SEMA3G: variants seen among roughly 807,000 people sequenced by gnomAD.
SEMA3G encodes the protein semaphorin 3G, also known as semaphorin-3G.
Under a neutral mutation model 86.2 loss-of-function variants are expected in SEMA3G, and 70 were observed. That is an observed-to-expected ratio of 0.81 (90% CI 0.67 to 0.99). The LOEUF is 0.99. Ranked by LOEUF, SEMA3G falls within the 50% of genes least tolerant of loss-of-function variation. The probability of loss-of-function intolerance (pLI) is 0.00; values close to 1 mark genes in which losing one functional copy is unlikely to be tolerated. For missense variants in SEMA3G, 1,002 were observed against 1,072.4 expected (o/e 0.93, Z 0.92); for synonymous variants, 416 against 441.4 (o/e 0.94, Z 0.72).
Position 52,440,790 on chromosome 3 carries a change from T to C in SEMA3G, c.962A>G (p.Lys321Arg). 1 of 1,613,018 alleles carries C rather than the reference T, an allele frequency of 6.2e-7. No homozygotes were observed. The highest frequency in any genetic ancestry group is 8.5e-7 in the Non-Finnish European group (1 of 1,179,964). The stretch of plus-strand genomic sequence containing the variant: ...GAACAGCGCGTACACCTCGAGGCTC[T>C]TCCCGGCCTTGGGCCACAGCAGGAA... ...DVFLLWPKAGKSLEVYALFST... is the reference protein window; with the variant it reads ...DVFLLWPKAGRSLEVYALFST... The change falls in exon 9 of 16, where the codon AAG becomes AGG. Residue 321 changes from lysine to arginine, a missense_variant. Coordinates refer to ENST00000231721, the MANE Select transcript of SEMA3G (RefSeq NM_020163.3).
chr3:52,441,138 T>C (rs1444902496), intron 7 of SEMA3G, 90 bp from the exon 8 acceptor site: 1 of 1,463,472 alleles, frequency 6.8e-7, no homozygotes, highest in East Asian at 2.3e-5. Flanking sequence ...CGGGGAGAGG[T>C]ATGCATGTCA....
At position 52,436,036 on chromosome 3, in the gene SEMA3G, C is replaced by G. The variant is rs779447141; in HGVS notation, c.1916G>C (p.Gly639Ala). Residue 639 changes from glycine to alanine, a missense_variant, in exon 16 of 16, where the codon GGG becomes GCG. Transcript: ENST00000231721. ...TDERVLHTERGLLFRRLSRFD... is the reference protein window; with the variant it reads ...TDERVLHTERALLFRRLSRFD... ...ACGGCTAAGCCTGCGGAACAGCAGC[C>G]CCCGCTCCGTGTGCAAGACTCGCTC... The G allele has an allele frequency of 6.2e-6, 10 of 1,612,688 alleles. No individual in the cohort carries two copies. The Admixed American group carries it at 1.2e-4, about 19-fold the overall frequency.
In SEMA3G at chr3:52,440,376, C is replaced by T. The variant is rs1706127757; in HGVS notation, c.1143+1G>A. The stretch of plus-strand genomic sequence containing the variant: ...CTGGCCTGGCCCCAGCAGATACTCA[C>T]CACGCCAGGGCGAGGGAAGGGCACC... On this transcript the variant is annotated splice_donor_variant, in intron 10 of 15. Coordinates refer to ENST00000231721, the MANE Select transcript of SEMA3G (RefSeq NM_020163.3). LOFTEE classifies it high-confidence loss of function. 1 of 1,598,604 alleles carries T rather than the reference C, an allele frequency of 6.3e-7. No homozygotes were observed. Among genetic ancestry groups the T allele is most frequent in the South Asian group, 1.1e-5 (1 of 89,194 alleles).
Position 52,442,182 on chromosome 3 carries a change from C to T in SEMA3G, c.459+3G>A, listed in dbSNP as rs1325426003. ...TCCCTTGTGGGGCCTGGCCCAGGCT[C>T]ACCTCCCCACGGTGGCCAACTGTGA... is the stretch of plus-strand genomic sequence containing the variant. On this transcript the variant is annotated splice_donor_region_variant and intron_variant, in intron 4 of 15. Coordinates refer to ENST00000231721, the MANE Select transcript of SEMA3G (RefSeq NM_020163.3). This position sits in a 1 kb window ranked among gnomAD's most constrained non-coding sequence, Gnocchi z 6.1. 2 of 1,612,642 alleles carry T rather than the reference C, an allele frequency of 1.2e-6. No individual in the cohort carries two copies. The highest frequency in any genetic ancestry group is 1.7e-5 in the Admixed American group (1 of 59,910).
In SEMA3G at chr3:52,442,604, C is replaced by T. The variant is rs913695052; in HGVS notation, c.294G>A (p.Gln98=). The change falls in exon 3 of 16, where the codon CAG becomes CAA. Residue 98 remains glutamine, a synonymous_variant. Transcript: ENST00000231721. The surrounding 1 kb of genome is among the most constrained non-coding windows in gnomAD (Gnocchi z 6.1). ...PDPREVLWPP[Q]PGQREECVRK... ...GAACACACTCCTCCCTCTGTCCTGG[C>T]TGCGGTGGCCACAGGACCTGGAACA... The T allele has an allele frequency of 1.2e-6, 2 of 1,614,036 alleles. No individual in the cohort carries two copies. Among genetic ancestry groups the T allele is most frequent in the African/African-American group, 2.7e-5 (2 of 74,922 alleles).
intron 12 of SEMA3G, 136 bp downstream of exon 12, chr3:52,439,544 C>A: frequency 1.4e-6 from 1 of 700,354 alleles, no homozygotes; most frequent in Admixed American, 2.3e-5. Flanking sequence ...TCTGCATCCC[C>A]TCCCCAGCAT....
chr3:52,442,090 C>T lies in SEMA3G; in HGVS notation c.459+95G>A, dbSNP rs1706170142. On this transcript the variant is annotated intron_variant, in intron 4 of 15. Coordinates refer to ENST00000231721, the MANE Select transcript of SEMA3G (RefSeq NM_020163.3). The surrounding 1 kb of genome is among the most constrained non-coding windows in gnomAD (Gnocchi z 6.1). ...CAAAGGCGCCTTTCAGGCCCCTGCC[C>T]CTCTGTCCCTACCCAGGCTCAATGG... 6.7e-7 allele frequency: 1 copy of T among 1,494,524 alleles called. No homozygotes were observed. Among genetic ancestry groups the T allele is most frequent in the Non-Finnish European group, 9.0e-7 (1 of 1,111,500 alleles). The allele number at this position is 1,494,524 out of a possible 1,614,324, so 92.6% of individuals were successfully genotyped here. A position where few individuals can be genotyped will look rare whatever the true frequency, so the allele number is the denominator to read the frequency against.
Position 52,435,828 on chromosome 3 carries a change from CT to C in SEMA3G, c.2123del (p.Lys708ArgfsTer53). ...CGAAGCCAATGAGCTGCAGGATGTC[CT>C]TGTACCAGGCCTTGGGTGGGGTGGA... ...LASTPPKAWY[K>X]DILQLIGFAN... On this transcript the variant is annotated frameshift_variant, in exon 16 of 16. Transcript: ENST00000231721. LOFTEE classifies it high-confidence loss of function. 6 of 1,614,144 alleles carry C rather than the reference CT, an allele frequency of 3.7e-6. No homozygotes were observed. Among genetic ancestry groups the C allele is most frequent in the Non-Finnish European group, 5.1e-6 (6 of 1,180,012 alleles).
chr3:52,435,187 C>A lies in SEMA3G; in HGVS notation c.*416G>T. 2 of 191,058 alleles carry A rather than the reference C, an allele frequency of 1.0e-5. No individual in the cohort carries two copies. The highest frequency in any genetic ancestry group is 2.5e-4 in the South Asian group (2 of 8,132). The allele number at this position is 191,058 out of a possible 1,614,324, so 11.8% of individuals were successfully genotyped here. A position where few individuals can be genotyped will look rare whatever the true frequency, so the allele number is the denominator to read the frequency against. ...TTCCACCCTCTGGCTCCCTGCAGGC[C>A]CCCTACCGGGATACCCCCTAGACGC... On this transcript the variant is annotated 3_prime_UTR_variant, in exon 16 of 16. Transcript: ENST00000231721.
chr3:52,444,457 A>ACAAACAGGGCACACGCACC (rs1186560203), intron 1 of SEMA3G, among the ~76,000 whole-genome samples: 5 of 151,352 alleles, frequency 3.3e-5, no homozygotes, highest in African/African-American at 9.7e-5. Flanking sequence ...GCACACGCAC[A>ACAAACAGGGCACACGCACC]CAAACAGGGC....
chr3:52,444,829 A>C (rs1706234992), intron 1 of SEMA3G, 84 bp downstream of exon 1: 2 of 1,038,092 alleles, frequency 1.9e-6, no homozygotes, highest in Non-Finnish European at 2.5e-6. Flanking sequence ...GCACATGCAC[A>C]CAAACACGGC....
In SEMA3G at chr3:52,435,895, T is replaced by C; in HGVS notation, c.2057A>G (p.Glu686Gly). 2 of 1,613,992 alleles carry C rather than the reference T, an allele frequency of 1.2e-6. No homozygotes were observed. Reference sequence around the variant, plus strand: ...GGCTGGGGGCTCCTCTGGCTTTGGCTCCGGAGGGAACAGGTTGTCCAGCTG... The same window carrying C: ...GGCTGGGGGCTCCTCTGGCTTTGGCCCCGGAGGGAACAGGTTGTCCAGCTG... ...ASQLDNLFPP[E>G]PKPEEPPARG... Residue 686 changes from glutamate to glycine, a missense_variant, in exon 16 of 16, where the codon GAG (glutamate) becomes GGG (glycine). Transcript: ENST00000231721.
At chr3:52,443,164 C>G in intron 1 of SEMA3G, 1 of 819,002 alleles carries the variant, frequency 1.2e-6, no homozygotes, top group South Asian at 1.5e-5. Context: ...AGCCCTTCAT[C>G]ATGCAGCTAA....
intron 14 of SEMA3G, 105 bp downstream of exon 14, chr3:52,437,866 T>C: frequency 8.5e-7 from 1 of 1,176,718 alleles, no homozygotes; most frequent in Non-Finnish European, 1.2e-6. Flanking sequence ...CTGAGGACTA[T>C]CCGTCATGAC....
intron 6 of SEMA3G, 38 bp from the exon 7 acceptor site, chr3:52,441,447 C>CCA: frequency 6.2e-7 from 1 of 1,608,850 alleles, no homozygotes; most frequent in Non-Finnish European, 8.5e-7. Context: ...TGGAGGGGCC[C>CCA]CACAGGGGAG....
intron 12 of SEMA3G, among the ~76,000 whole-genome samples, 161 bp downstream of exon 12, chr3:52,439,519 G>T (rs538924108): frequency 6.6e-6 from 1 of 151,000 alleles, no homozygotes; most frequent in East Asian, 2.0e-4. Flanking sequence ...GCGGGGTGGA[G>T]GGGGGGCATC....
chr3:52,440,794 C>T lies in SEMA3G; in HGVS notation c.958G>A (p.Gly320Arg), dbSNP rs768595634. Residue 320 changes from glycine (G) to arginine (R), a missense_variant, in exon 9 of 16, where the codon GGG becomes AGG. Gly to Arg is a moderately radical substitution (Grantham distance 125). Coordinates refer to ENST00000231721, the MANE Select transcript of SEMA3G (RefSeq NM_020163.3). ...EDVFLLWPKA[G>R]KSLEVYALFS... ...AGCGCGTACACCTCGAGGCTCTTCC[C>T]GGCCTTGGGCCACAGCAGGAACACA... 2.0e-5 allele frequency: 32 copies of T among 1,612,828 alleles called. No individual in the cohort carries two copies. Among genetic ancestry groups the T allele is most frequent in the Admixed American group, 3.3e-5 (2 of 59,986 alleles).
Position 52,438,970 on chromosome 3 carries a change from G to A in SEMA3G, c.1468-9C>T. 1 of 1,613,200 alleles carries A rather than the reference G, an allele frequency of 6.2e-7. No homozygotes were observed. The highest frequency in any genetic ancestry group is 8.5e-7 in the Non-Finnish European group (1 of 1,179,512). ...GTGATAGGTGTTGGCACCTGGGGAA[G>A]GAGAAGGGTCTCAGTGTGGGTCGGG... On this transcript the variant is annotated splice_polypyrimidine_tract_variant and intron_variant, in intron 12 of 15. Transcript: ENST00000231721.
At chr3:52,437,087 T>G (rs1209072745) in intron 15 of SEMA3G, among the ~76,000 whole-genome samples, 1 of 152,056 alleles carries the variant, frequency 6.6e-6, no homozygotes, top group East Asian at 1.9e-4. Flanking sequence ...GGACCAGTGG[T>G]TAGGGACCCA....
Sources: allele counts gnomAD v4.1 joint callset (sites outside exome capture counted in the v4.1 genomes callset), GRCh38; gene constraint gnomAD v4.1.1; non-coding constraint Gnocchi (gnomAD v3.1); transcripts MANE v1.5; gene names NCBI Gene and HGNC (gene_info 2026-07-23, HGNC 2026-07-21).